Variants in FNDC3A observed in about 807,000 individuals in gnomAD.
FNDC3A encodes the protein fibronectin type-III domain-containing protein 3A.
A neutral mutation model predicts 148.9 loss-of-function variants in FNDC3A; 32 were observed. That is an observed-to-expected ratio of 0.21 (90% CI 0.16 to 0.29). The LOEUF (loss-of-function observed/expected upper bound fraction) is 0.29. FNDC3A is among the 10% of genes least tolerant of loss of function. The pLI, the probability that FNDC3A is intolerant of heterozygous loss-of-function variation, is 1.00. For missense variants in FNDC3A, 1,191 were observed against 1,452.8 expected, an observed-to-expected ratio of 0.82 and a Z score of 2.93; for synonymous variants, 472 against 473.6, an observed-to-expected ratio of 1.00 and a Z score of 0.04.
chr13:49,075,236 T>A lies in FNDC3A; in HGVS notation c.100-53T>A, dbSNP rs1003132376. 4.7e-6 allele frequency: 5 copies of A among 1,065,762 alleles called. No individual in the cohort carries two copies. In the African/African-American group the frequency reaches 7.9e-5, roughly 17 times the overall value. 66.0% of individuals were successfully genotyped at this position (1,065,762 alleles called of 1,614,324 possible). On this transcript the variant is annotated intron_variant, in intron 2 of 25. Transcript: ENST00000492622. ...TATCTGCTCTGTTACTATTTTTATATTCTGATTTGCTTTTTTTTGTTTTGA... is the reference window on the plus strand; with the variant it reads ...TATCTGCTCTGTTACTATTTTTATAATCTGATTTGCTTTTTTTTGTTTTGA...
intron 3 of FNDC3A, among the ~76,000 whole-genome samples, chr13:49,098,433 A>G (rs1879665375): frequency 6.6e-6 from 1 of 152,124 alleles, no homozygotes; most frequent in South Asian, 2.1e-4. Context: ...CCTTCCTACT[A>G]AAATAACAAA....
chr13:49,156,587 C>G (rs1046745555), intron 8 of FNDC3A, among the ~76,000 whole-genome samples: 17 of 148,556 alleles, frequency 1.1e-4, no homozygotes, highest in Admixed American at 7.4e-4. Context: ...TGATTTTGCT[C>G]GTTAGTTGAT....
At chr13:49,107,119 C>G (rs918284726) in intron 3 of FNDC3A, among the ~76,000 whole-genome samples, 6 of 152,178 alleles carry the variant, frequency 3.9e-5, no homozygotes, top group African/African-American at 1.4e-4. Flanking sequence ...GGATTTGAAA[C>G]AGTCACTTTA....
chr13:49,097,827 A>T (rs551700876), intron 3 of FNDC3A, among the ~76,000 whole-genome samples: 1 of 152,238 alleles, frequency 6.6e-6, no homozygotes, highest in East Asian at 1.9e-4. Flanking sequence ...GCCCGAAAAG[A>T]CTAATAAAGT....
At chr13:49,162,828 T>C (rs1884226174) in intron 8 of FNDC3A, among the ~76,000 whole-genome samples, 1 of 152,196 alleles carries the variant, frequency 6.6e-6, no homozygotes, top group Non-Finnish European at 1.5e-5. Flanking sequence ...GTTGATGCTA[T>C]TCCTTCCTGT....
intron 2 of FNDC3A, among the ~76,000 whole-genome samples, chr13:49,057,219 T>C (rs562570945): frequency 6.6e-6 from 1 of 152,330 alleles, no homozygotes; most frequent in East Asian, 1.9e-4. Context: ...GAAGAGACTT[T>C]TGCCCAGGCT....
rs1330574761 is a variant in FNDC3A, at chr13:49,201,850, T to G, written c.3038T>G (p.Leu1013Arg). 6.3e-7 allele frequency: 1 copy of G among 1,590,266 alleles called. No homozygotes were observed. Among genetic ancestry groups the G allele is most frequent in the Non-Finnish European group, 8.6e-7 (1 of 1,165,860 alleles). Reference protein sequence around the residue: ...GPCHTYKVQRLNESTSYKFCI... With the variant: ...GPCHTYKVQRRNESTSYKFCI... ...TGTCATACATACAAAGTACAAAGAC[T>G]TAATGAGTCAACATCCTATAAATTC... Residue 1013 changes from leucine (L) to arginine (R), a missense_variant, in exon 24 of 26, where the codon CTT (leucine) becomes CGT (arginine). By Grantham distance (102) the Leu-to-Arg change is moderately radical (BLOSUM62 -2). Transcript: ENST00000492622.
intron 3 of FNDC3A, among the ~76,000 whole-genome samples, chr13:49,080,162 G>A (rs1299305421): frequency 6.6e-6 from 1 of 152,090 alleles, no homozygotes; most frequent in Non-Finnish European, 1.5e-5. Flanking sequence ...TATCTACATT[G>A]TTCTTTTGAT....
chr13:49,078,783 A>G (rs1878283630), intron 3 of FNDC3A, among the ~76,000 whole-genome samples: 1 of 152,204 alleles, frequency 6.6e-6, no homozygotes, highest in African/African-American at 2.4e-5. Context: ...AAAAAGTGAG[A>G]TTATTAATAG....
Position 49,207,667 on chromosome 13 carries a change from G to T in FNDC3A, c.*272G>T. 3.2e-6 allele frequency: 1 copy of T among 309,868 alleles called. No individual in the cohort carries two copies. The highest frequency in any genetic ancestry group is 6.0e-6 in the Non-Finnish European group (1 of 167,766). The allele number at this position is 309,868 out of a possible 1,614,324, so 19.2% of individuals were successfully genotyped here. A position where few individuals can be genotyped will look rare whatever the true frequency, so the allele number is the denominator to read the frequency against. ...TTTTTTTAACAAATGCCTTCTTATA[G>T]AAAAACTTTCTAAGAGGCAACAATT... is the stretch of plus-strand genomic sequence containing the variant. On this transcript the variant is annotated 3_prime_UTR_variant, in exon 26 of 26. Coordinates refer to ENST00000492622, the MANE Select transcript of FNDC3A (RefSeq NM_001079673.2).
In FNDC3A at chr13:49,090,370, C is replaced by T. The variant is rs1029489904; in HGVS notation, c.175+15006C>T. Among the ~76,000 whole-genome samples, 7 of 152,128 alleles carry T rather than the reference C, an allele frequency of 4.6e-5. No homozygotes were observed. The South Asian group carries it at 8.3e-4, about 18-fold the overall frequency. Reference sequence around the variant, plus strand: ...TAGAAGTTGCAGTGAGCCAAGATCACGCCACTGCACTCCAGCCTGGGTGAC... The same window carrying T: ...TAGAAGTTGCAGTGAGCCAAGATCATGCCACTGCACTCCAGCCTGGGTGAC... On this transcript the variant is annotated intron_variant, in intron 3 of 25. Transcript: ENST00000492622.
chr13:48,992,550 A>G (rs1951941400), intron 1 of FNDC3A, among the ~76,000 whole-genome samples: 1 of 152,208 alleles, frequency 6.6e-6, no homozygotes, highest in African/African-American at 2.4e-5. Flanking sequence ...ATCATTGTTC[A>G]TGGAAATGCA....
intron 6 of FNDC3A, 21 bp from the exon 7 acceptor site, chr13:49,138,726 C>T (rs1426177809): frequency 8.1e-7 from 1 of 1,228,258 alleles, no homozygotes; most frequent in Non-Finnish European, 1.2e-6. Flanking sequence ...TTTAAATATT[C>T]AAATGTTTTA....
At chr13:48,976,290 G>A (rs1285485189) in intron 1 of FNDC3A, 113 bp downstream of exon 1, 1 of 152,426 alleles carries the variant, frequency 6.6e-6, no homozygotes, top group Admixed American at 6.5e-5. Context: ...TGAGGGCCGG[G>A]GCACTCTCCA....
intron 2 of FNDC3A, among the ~76,000 whole-genome samples, chr13:49,052,719 G>T (rs1303880465): frequency 6.6e-6 from 1 of 152,140 alleles, no homozygotes; most frequent in Non-Finnish European, 1.5e-5. Flanking sequence ...ATGCAAACTT[G>T]CCCTAGGGAC....
chr13:49,015,052 T>C (rs1952463171), intron 2 of FNDC3A, among the ~76,000 whole-genome samples: 1 of 152,186 alleles, frequency 6.6e-6, no homozygotes, highest in African/African-American at 2.4e-5. Context: ...AGCTTTGTTC[T>C]TTTGGCTTAG....
intron 10 of FNDC3A, among the ~76,000 whole-genome samples, chr13:49,169,609 A>G (rs1364424976): frequency 6.6e-6 from 1 of 152,194 alleles, no homozygotes; most frequent in Non-Finnish European, 1.5e-5. Context: ...AACATCCCCT[A>G]GAATGGGGTA....
intron 4 of FNDC3A, among the ~76,000 whole-genome samples, chr13:49,124,580 A>G (rs557300188): frequency 6.6e-6 from 1 of 152,238 alleles, no homozygotes; most frequent in East Asian, 1.9e-4. Context: ...TACTTTACAC[A>G]TAAATAACCT....
intron 8 of FNDC3A, among the ~76,000 whole-genome samples, chr13:49,155,356 G>C (rs1229100592): frequency 6.6e-6 from 1 of 151,156 alleles, no homozygotes; most frequent in African/African-American, 2.5e-5. Context: ...TGTGGGATCA[G>C]TGGTGATATC....
Sources: gnomAD v4.1 joint callset for allele counts (sites outside exome capture counted in the v4.1 genomes callset) on GRCh38, gnomAD v4.1.1 for gene constraint, MANE v1.5 for transcripts, NCBI Gene and HGNC (gene_info 2026-07-23, HGNC 2026-07-21) for gene names.